The following THSD7B variants were observed in gnomAD, a reference collection of about 807,000 sequenced individuals.
THSD7B encodes the protein thrombospondin type 1 domain containing 7B.
In THSD7B, 138 loss-of-function variants were observed where a neutral mutation model predicts 213.6. The ratio of observed to expected loss-of-function variants is 0.65; its 90% CI spans 0.56 to 0.74. THSD7B has a LOEUF of 0.74. Among genes scored for constraint, THSD7B ranks in the 30% least tolerant of loss-of-function variants. The probability of loss-of-function intolerance (pLI) is 0.00; values close to 1 mark genes in which losing one functional copy is unlikely to be tolerated. For synonymous variants in THSD7B, 742 were observed against 687.0 expected (o/e 1.08, Z -1.25); for missense variants, 1,931 against 1,991.5 (o/e 0.97, Z 0.58).
intron 12 of THSD7B, among the ~76,000 whole-genome samples, chr2:137,284,104 C>A (rs1257149101): frequency 6.6e-6 from 1 of 151,982 alleles, no homozygotes; most frequent in Non-Finnish European, 1.5e-5. Context: ...TCAGAGATTC[C>A]ACTTCTTCCT....
At chr2:137,556,072 T>A (rs1164185370) in intron 15 of THSD7B, among the ~76,000 whole-genome samples, 1 of 152,202 alleles carries the variant, frequency 6.6e-6, no homozygotes, top group Non-Finnish European at 1.5e-5. Context: ...CTAATTGGTG[T>A]ACGTAAAAGT....
At chr2:137,053,934 C>G (rs1687113953) in intron 2 of THSD7B, among the ~76,000 whole-genome samples, 1 of 152,038 alleles carries the variant, frequency 6.6e-6, no homozygotes, top group South Asian at 2.1e-4. Context: ...TATTCCTTTA[C>G]TGAGTAACTG....
At chr2:137,172,222 G>A (rs945323640) in intron 7 of THSD7B, among the ~76,000 whole-genome samples, 4 of 152,102 alleles carry the variant, frequency 2.6e-5, no homozygotes, top group Admixed American at 6.6e-5. Flanking sequence ...GTCTTTAATC[G>A]TGGTTCCTGA....
intron 12 of THSD7B, among the ~76,000 whole-genome samples, chr2:137,391,285 T>C (rs1223243611): frequency 6.6e-5 from 10 of 152,214 alleles, no homozygotes; most frequent in Non-Finnish European, 1.5e-4. Flanking sequence ...CTTTTGTATT[T>C]CTGTGGTATC....
intron 2 of THSD7B, among the ~76,000 whole-genome samples, chr2:137,041,661 A>G (rs1686883653): frequency 6.8e-6 from 1 of 147,500 alleles, no homozygotes; most frequent in Non-Finnish European, 1.5e-5. Context: ...TTAATATAAC[A>G]TATAATATGT....
chr2:137,490,405 T>C (rs1412164318), intron 15 of THSD7B, among the ~76,000 whole-genome samples: 3 of 152,208 alleles, frequency 2.0e-5, no homozygotes, highest in Non-Finnish European at 4.4e-5. Context: ...AATATTTTCA[T>C]AGGGTGCAGC....
chr2:137,278,428 A>G (rs1682922158), intron 12 of THSD7B, among the ~76,000 whole-genome samples: 1 of 152,150 alleles, frequency 6.6e-6, no homozygotes, highest in Non-Finnish European at 1.5e-5. Context: ...CAACCAAGAA[A>G]TCCATATTAA....
chr2:137,243,798 G>C (rs553880879), intron 10 of THSD7B, among the ~76,000 whole-genome samples: 1 of 152,302 alleles, frequency 6.6e-6, no homozygotes, highest in South Asian at 2.1e-4. Context: ...CCAGCACAAA[G>C]TTTTATAACT....
intron 17 of THSD7B, among the ~76,000 whole-genome samples, chr2:137,615,250 G>A (rs1305431232): frequency 6.6e-6 from 1 of 152,198 alleles, no homozygotes; most frequent in African/African-American, 2.4e-5. Flanking sequence ...ATATATGTAT[G>A]TATATGTGTT....
chr2:136,975,509 C>T (rs919813394), intron 2 of THSD7B, among the ~76,000 whole-genome samples: 1 of 151,962 alleles, frequency 6.6e-6, no homozygotes, highest in Non-Finnish European at 1.5e-5. Context: ...TGTGTGGTCT[C>T]ATTTTTGAGG....
chr2:137,074,273 A>T (rs1183958878), intron 3 of THSD7B, among the ~76,000 whole-genome samples: 2 of 152,074 alleles, frequency 1.3e-5, no homozygotes, highest in Non-Finnish European at 2.9e-5. Flanking sequence ...GTGCTCCTGT[A>T]TTGGGTGCAT....
chr2:137,507,477 G>C (rs1422574220), intron 15 of THSD7B, among the ~76,000 whole-genome samples: 1 of 152,180 alleles, frequency 6.6e-6, no homozygotes, highest in Non-Finnish European at 1.5e-5. Flanking sequence ...CCTGTGAGCA[G>C]CTAGCTTTGC....
intron 17 of THSD7B, among the ~76,000 whole-genome samples, chr2:137,574,195 G>A (rs1681413812): frequency 6.6e-6 from 1 of 152,006 alleles, no homozygotes; most frequent in South Asian, 2.1e-4. Context: ...TGGCCACTGG[G>A]CTAAAATTTT....
Position 136,882,256 on chromosome 2 carries a change from C to A in THSD7B, c.78C>A (p.Leu26=). The A allele has an allele frequency of 6.5e-7, 1 of 1,545,404 alleles. No homozygotes were observed. The highest frequency in any genetic ancestry group is 1.4e-5 in the African/African-American group (1 of 72,742). ...SMRKLFLLLS[L]LLSHAAHLEG... Reference sequence around the variant, plus strand: ...GGAAGCTCTTTCTATTGCTTTCTCTCTTGCTGTCCCATGCAGCTCATTTGG... The same window carrying A: ...GGAAGCTCTTTCTATTGCTTTCTCTATTGCTGTCCCATGCAGCTCATTTGG... The change falls in exon 2 of 28, where the codon CTC becomes CTA. Residue 26 remains leucine, a synonymous_variant. Transcript: ENST00000409968.
In THSD7B at chr2:137,621,870, G is replaced by T. The variant is rs140775090; in HGVS notation, c.3799+1144G>T. The stretch of plus-strand genomic sequence containing the variant: ...TCAAGATTAGGCAGCTGCATCTGGT[G>T]AAAGCCTCAGGCTGTGTCAACTAAT... On this transcript the variant is annotated intron_variant, in intron 20 of 27. Transcript: ENST00000409968. Among the ~76,000 whole-genome samples, 29 of 152,312 alleles carry T rather than the reference G, an allele frequency of 1.9e-4. No individual in the cohort carries two copies. In the East Asian group the frequency reaches 4.4e-3, roughly 23 times the overall value.
At chr2:137,583,974 G>A (rs1681650360) in intron 17 of THSD7B, among the ~76,000 whole-genome samples, 1 of 152,162 alleles carries the variant, frequency 6.6e-6, no homozygotes, top group Admixed American at 6.5e-5. Context: ...CCATGAGCAT[G>A]GAATGTTCTT....
chr2:137,041,087 G>C (rs988328000), intron 2 of THSD7B, among the ~76,000 whole-genome samples: 2 of 152,142 alleles, frequency 1.3e-5, no homozygotes, highest in African/African-American at 2.4e-5. Context: ...GGATATAACA[G>C]GGTACAGCTC....
At chr2:137,173,150 A>G (rs964922608) in intron 7 of THSD7B, among the ~76,000 whole-genome samples, 10 of 152,318 alleles carry the variant, frequency 6.6e-5, no homozygotes, top group Middle Eastern at 3.4e-3. Flanking sequence ...TTTGAATGGC[A>G]TATAACCATT....
chr2:136,881,362 C>T (rs1489425915), intron 1 of THSD7B, among the ~76,000 whole-genome samples: 1 of 152,168 alleles, frequency 6.6e-6, no homozygotes, highest in Non-Finnish European at 1.5e-5. Flanking sequence ...TATCTGCCAA[C>T]TCTGCTTTTA....
Sources: allele counts gnomAD v4.1 joint callset (sites outside exome capture counted in the v4.1 genomes callset), GRCh38; gene constraint gnomAD v4.1.1; transcripts MANE v1.5; gene names NCBI Gene and HGNC (gene_info 2026-07-23, HGNC 2026-07-21).